The following ARID4A variants were observed in gnomAD, a reference collection of about 807,000 sequenced individuals.
ARID4A encodes the protein AT-rich interactive domain-containing protein 4A.
A neutral mutation model predicts 148.6 loss-of-function variants in ARID4A; 39 were observed. That is an observed-to-expected ratio of 0.26 (90% CI 0.20 to 0.34). ARID4A has a LOEUF of 0.34. ARID4A is among the 10% of genes least tolerant of loss of function. The probability of loss-of-function intolerance (pLI) is 1.00; values close to 1 mark genes in which losing one functional copy is unlikely to be tolerated. For missense variants in ARID4A, 1,265 were observed against 1,449.1 expected (o/e 0.87, Z 2.06); for synonymous variants, 475 against 481.2 (o/e 0.99, Z 0.17).
chr14:58,328,560 T>TG (rs1178769408), intron 9 of ARID4A, among the ~76,000 whole-genome samples: 1 of 152,094 alleles, frequency 6.6e-6, no homozygotes, highest in Non-Finnish European at 1.5e-5. Flanking sequence ...TAGCAAAAGA[T>TG]GGTATTGATT....
chr14:58,307,597 A>C (rs2031706228), intron 5 of ARID4A, among the ~76,000 whole-genome samples: 2 of 152,200 alleles, frequency 1.3e-5, no homozygotes, highest in Admixed American at 1.3e-4. Context: ...AGGTGGGCGG[A>C]TCACCTGAGG....
chr14:58,304,279 A>G (rs1468223163), intron 3 of ARID4A, among the ~76,000 whole-genome samples: 1 of 152,030 alleles, frequency 6.6e-6, no homozygotes, highest in African/African-American at 2.4e-5. Context: ...TTTATTTGGG[A>G]TTCTTTAACA....
Position 58,353,799 on chromosome 14 carries a change from T to C in ARID4A, c.1797T>C (p.Thr599=). The change falls in exon 17 of 24, where the codon ACT becomes ACC. Residue 599 remains threonine (T), a synonymous_variant. Transcript: ENST00000355431. Reference sequence around the variant, plus strand: ...TTTATGAAGCCAGTATTAAAAGCACTGAAATTGATGACGGAGAAGTTTTAT... The same window carrying C: ...TTTATGAAGCCAGTATTAAAAGCACCGAAATTGATGACGGAGAAGTTTTAT... The part of the protein sequence containing the change: ...QKIYEASIKS[T]EIDDGEVLYL... 1 of 1,614,006 alleles carries C rather than the reference T, an allele frequency of 6.2e-7. No individual in the cohort carries two copies.
chr14:58,321,091 T>C (rs1037589050), intron 7 of ARID4A, among the ~76,000 whole-genome samples: 5 of 152,200 alleles, frequency 3.3e-5, no homozygotes, highest in African/African-American at 1.2e-4. Context: ...ATACTAACTT[T>C]GATTAAGGTG....
In ARID4A at chr14:58,353,665, A is replaced by G. The variant is rs563174185; in HGVS notation, c.1663A>G (p.Thr555Ala). The G allele has an allele frequency of 2.5e-6, 4 of 1,613,902 alleles. No homozygotes were observed. Among genetic ancestry groups the G allele is most frequent in the Admixed American group, 1.7e-5 (1 of 60,004 alleles). ...TATTATAACTTACTGCAGGGAAGAA[A>G]CTGAAAGCAAATGTGACTCTGAAGG... is the stretch of plus-strand genomic sequence containing the variant. The part of the protein sequence containing the change: ...EEEKSQEREE[T>A]ESKCDSEGEE... The change falls in exon 17 of 24, where the codon ACT becomes GCT. Residue 555 changes from threonine (T) to alanine (A), a missense_variant. Physicochemically the swap from Thr to Ala is moderately conservative, Grantham distance 58. Around this residue, in one of 9 missense-constraint regions of ARID4A, gnomAD observed 205 missense variants for 196.9 expected, o/e 1.04. Transcript: ENST00000355431.
At chr14:58,342,043 A>G (rs1042348923) in intron 11 of ARID4A, among the ~76,000 whole-genome samples, 7 of 152,204 alleles carry the variant, frequency 4.6e-5, no homozygotes, top group African/African-American at 1.7e-4. Context: ...CCGTGATAGC[A>G]ATTAAGAGCC....
At chr14:58,347,519 CA>C in intron 14 of ARID4A, 127 bp from the exon 15 acceptor site, 3 of 656,350 alleles carry the variant, frequency 4.6e-6, no homozygotes, top group Non-Finnish European at 7.3e-6. Context: ...AAAATAGTAA[CA>C]CAGAAAAGAG....
intron 15 of ARID4A, among the ~76,000 whole-genome samples, chr14:58,349,764 A>G (rs1222011538): frequency 6.6e-6 from 1 of 152,004 alleles, no homozygotes; most frequent in African/African-American, 2.4e-5. Flanking sequence ...AAAGGTATAC[A>G]GACCCAAATT....
chr14:58,301,373 T>C (rs1374626957), intron 2 of ARID4A, among the ~76,000 whole-genome samples: 2 of 152,228 alleles, frequency 1.3e-5, no homozygotes, highest in African/African-American at 4.8e-5. Context: ...ATTACAACTT[T>C]AAAACATTTT....
At chr14:58,299,179 CCCTCCTCCTCCCCT>C in intron 1 of ARID4A, among the ~76,000 whole-genome samples, 1 of 152,178 alleles carries the variant, frequency 6.6e-6, no homozygotes, top group African/African-American at 2.4e-5. Flanking sequence ...GGGCCACCTC[CCCTCCTCCTCCCCT>C]CCGCCCCCCG....
At chr14:58,352,691 A>G (rs2034692314) in intron 16 of ARID4A, among the ~76,000 whole-genome samples, 1 of 152,130 alleles carries the variant, frequency 6.6e-6, no homozygotes. Context: ...GCTTCATGTC[A>G]GGACCCCCAG....
intron 19 of ARID4A, 51 bp from the exon 20 acceptor site, chr14:58,364,119 T>G (rs998635373): frequency 1.1e-6 from 1 of 947,042 alleles, no homozygotes; most frequent in African/African-American, 1.7e-5. Context: ...ATTGTAAAAT[T>G]ACATTGGTAA....
At chr14:58,306,421 G>T (rs577090615) in intron 5 of ARID4A, among the ~76,000 whole-genome samples, 1 of 152,236 alleles carries the variant, frequency 6.6e-6, no homozygotes, top group Non-Finnish European at 1.5e-5. Context: ...AATTAAAATT[G>T]CATAGTTGCG....
intron 11 of ARID4A, among the ~76,000 whole-genome samples, 158 bp downstream of exon 11, chr14:58,330,327 T>A (rs1175375127): frequency 6.6e-6 from 1 of 152,218 alleles, no homozygotes; most frequent in African/African-American, 2.4e-5. Flanking sequence ...TTTTGGCTCA[T>A]AGCATAGTGT....
At chr14:58,309,067 A>G (rs1338417398) in intron 5 of ARID4A, among the ~76,000 whole-genome samples, 1 of 152,210 alleles carries the variant, frequency 6.6e-6, no homozygotes, top group Non-Finnish European at 1.5e-5. Context: ...AGTATGACTC[A>G]GTTTTTAAAA....
rs1421272440 is a variant in ARID4A at position 58,359,185 on chromosome 14, G to A, written c.1907G>A (p.Gly636Glu). 4 of 1,600,180 alleles carry A rather than the reference G, an allele frequency of 2.5e-6. No individual in the cohort carries two copies. Among genetic ancestry groups the A allele is most frequent in the Non-Finnish European group, 3.4e-6 (4 of 1,176,712 alleles). Residue 636 changes from glycine (G) to glutamate (E), a missense_variant, in exon 18 of 24, where the codon GGA becomes GAA. Transcript: ENST00000355431. ...ATAATCTGGCCTTTGGACAAAGGTG[G>A]ACCAAAGAAAAAACAGAAGAAAAAA... ...DRIIWPLDKGGPKKKQKKKAK... is the reference protein window; with the variant it reads ...DRIIWPLDKGEPKKKQKKKAK...
intron 23 of ARID4A, 98 bp downstream of exon 23, chr14:58,367,127 C>T: frequency 1.1e-6 from 1 of 928,852 alleles, no homozygotes; most frequent in South Asian, 3.5e-5. Context: ...AGTACACATT[C>T]ATTAATTGCT....
intron 5 of ARID4A, among the ~76,000 whole-genome samples, chr14:58,309,730 G>C (rs1422451578): frequency 1.3e-5 from 2 of 152,172 alleles, no homozygotes; most frequent in African/African-American, 2.4e-5. Context: ...TACACACACA[G>C]ATCATTTATC....
At chr14:58,369,295 A>T (rs1259349824) in intron 23 of ARID4A, among the ~76,000 whole-genome samples, 1 of 152,196 alleles carries the variant, frequency 6.6e-6, no homozygotes, top group Non-Finnish European at 1.5e-5. Context: ...GGTGAAAATC[A>T]CCAAAGCATA....
Sources: allele counts gnomAD v4.1 joint callset (sites outside exome capture counted in the v4.1 genomes callset), GRCh38; gene constraint gnomAD v4.1.1; regional missense constraint gnomAD v4.1.1; transcripts MANE v1.5; gene names NCBI Gene and HGNC (gene_info 2026-07-23, HGNC 2026-07-21).